ZC3H8: variants seen among roughly 807,000 people sequenced by gnomAD.
The protein encoded by ZC3H8 is zinc finger CCCH domain-containing protein 8.
Under a neutral mutation model 42.5 loss-of-function variants are expected in ZC3H8, and 27 were observed. That is an observed-to-expected ratio of 0.64 (90% CI 0.47 to 0.88). The LOEUF (loss-of-function observed/expected upper bound fraction) is 0.88, where lower values mean the gene tolerates loss of function less well. ZC3H8 is among the 40% of genes least tolerant of loss of function. The pLI is 0.00. For synonymous variants in ZC3H8, 101 were observed against 110.1 expected, an observed-to-expected ratio of 0.92 and a Z score of 0.52; for missense variants, 277 against 336.1, an observed-to-expected ratio of 0.82 and a Z score of 1.37.
intron 6 of ZC3H8, 26 bp from the exon 7 acceptor site, chr2:112,231,973 C>A: frequency 7.8e-7 from 1 of 1,284,364 alleles, no homozygotes; most frequent in Non-Finnish European, 1.1e-6. Context: ...AGGAAGAGAA[C>A]AATTTTAATC....
intron 8 of ZC3H8, among the ~76,000 whole-genome samples, chr2:112,219,339 G>A (rs576341572): frequency 6.6e-6 from 1 of 152,224 alleles, no homozygotes; most frequent in Admixed American, 6.5e-5. Flanking sequence ...AAGGAAGGAC[G>A]GTCTTTCAAC....
intron 8 of ZC3H8, among the ~76,000 whole-genome samples, chr2:112,227,465 C>T (rs55821286): frequency 0.11 from 16,289 of 152,228 alleles, 1,179 homozygotes; most frequent in Non-Finnish European, 0.15. Flanking sequence ...GCCGCGGTTG[C>T]AGTGAACCGA....
chr2:112,227,164 C>A (rs1684875668), intron 8 of ZC3H8, among the ~76,000 whole-genome samples: 1 of 152,214 alleles, frequency 6.6e-6, no homozygotes, highest in African/African-American at 2.4e-5. Context: ...TTCTATTTAA[C>A]CTTGTATAGA....
intron 2 of ZC3H8, among the ~76,000 whole-genome samples, chr2:112,248,460 A>G (rs1347686282): frequency 6.6e-6 from 1 of 152,218 alleles, no homozygotes; most frequent in Non-Finnish European, 1.5e-5. Flanking sequence ...AGTCTCAGTG[A>G]CAATTTAACC....
chr2:112,216,795 T>C (rs1684345692), intron 8 of ZC3H8, among the ~76,000 whole-genome samples: 1 of 151,128 alleles, frequency 6.6e-6, no homozygotes, highest in South Asian at 2.1e-4. Flanking sequence ...AGAATAAATT[T>C]GAATGGAAAC....
At chr2:112,225,338 T>C (rs897255716) in intron 8 of ZC3H8, among the ~76,000 whole-genome samples, 2 of 152,116 alleles carry the variant, frequency 1.3e-5, no homozygotes, top group Non-Finnish European at 2.9e-5. Flanking sequence ...ATTAGCCAGG[T>C]GTGGTAGCAC....
chr2:112,252,012 T>A (rs961534821), intron 1 of ZC3H8, among the ~76,000 whole-genome samples: 4 of 152,212 alleles, frequency 2.6e-5, no homozygotes, highest in Non-Finnish European at 5.9e-5. Context: ...ACTTTCAAAG[T>A]CAGTTCTCAC....
intron 8 of ZC3H8, among the ~76,000 whole-genome samples, chr2:112,217,665 C>T (rs1455542185): frequency 6.6e-6 from 1 of 152,110 alleles, no homozygotes; most frequent in Non-Finnish European, 1.5e-5. Context: ...ATGAATCTTG[C>T]CAAAACAGTC....
intron 2 of ZC3H8, among the ~76,000 whole-genome samples, chr2:112,248,100 C>A (rs1685818516): frequency 6.6e-6 from 1 of 152,198 alleles, no homozygotes; most frequent in African/African-American, 2.4e-5. Context: ...CCGAGGCTGG[C>A]AGATCACTTG....
intron 2 of ZC3H8, among the ~76,000 whole-genome samples, chr2:112,248,276 A>C (rs1397788662): frequency 6.6e-6 from 1 of 151,954 alleles, no homozygotes; most frequent in Non-Finnish European, 1.5e-5. Flanking sequence ...CAGTGAGCCA[A>C]GATCATGCTA....
At chr2:112,223,859 A>G (rs1314452936) in intron 8 of ZC3H8, among the ~76,000 whole-genome samples, 2 of 152,226 alleles carry the variant, frequency 1.3e-5, no homozygotes, top group Non-Finnish European at 2.9e-5. Flanking sequence ...TAAGGAATAA[A>G]GGCCAGGCAC....
rs780790128 is a variant in ZC3H8, at chr2:112,238,428, GA to G, written c.256del (p.Ser86GlnfsTer33). On this transcript the variant is annotated frameshift_variant, in exon 3 of 9. Coordinates refer to ENST00000409573, the MANE Select transcript of ZC3H8 (RefSeq NM_032494.3). LOFTEE classifies it high-confidence loss of function. ...YSDNDICSQE[S>X]EDNFAKELQQ... The stretch of plus-strand genomic sequence containing the variant: ...AAGCTCTTTGGCAAAATTATCTTCT[GA>G]TTCCTGACTGCAGATATCATTATCA... The G allele has an allele frequency of 6.2e-7, 1 of 1,613,592 alleles. No homozygotes were observed. The highest frequency in any genetic ancestry group is 8.5e-7 in the Non-Finnish European group (1 of 1,179,866).
chr2:112,232,035 C>T, intron 6 of ZC3H8, 88 bp from the exon 7 acceptor site: 1 of 746,690 alleles, frequency 1.3e-6, no homozygotes. Flanking sequence ...TAAATAAAGA[C>T]CTCTGTGGCC....
intron 8 of ZC3H8, among the ~76,000 whole-genome samples, chr2:112,222,758 A>G (rs1684645130): frequency 6.6e-6 from 1 of 152,248 alleles, no homozygotes; most frequent in African/African-American, 2.4e-5. Context: ...GTAGCTGTCA[A>G]GGCCTTGAAG....
At chr2:112,227,479 C>A (rs1279913990) in intron 8 of ZC3H8, among the ~76,000 whole-genome samples, 2 of 152,178 alleles carry the variant, frequency 1.3e-5, no homozygotes, top group Non-Finnish European at 2.9e-5. Context: ...GAACCGAGAT[C>A]GCGCCATTTG....
intron 8 of ZC3H8, among the ~76,000 whole-genome samples, chr2:112,228,323 G>T (rs1684936926): frequency 6.6e-6 from 1 of 152,056 alleles, no homozygotes; most frequent in Non-Finnish European, 1.5e-5. Context: ...CCAACATAGT[G>T]AAAGCCTGTC....
Position 112,214,201 on chromosome 2 carries a change from C to G in ZC3H8, c.*2283G>C, listed in dbSNP as rs2104635762. 1 of 152,236 alleles carries G rather than the reference C, an allele frequency of 6.6e-6. No individual in the cohort carries two copies. Among genetic ancestry groups the G allele is most frequent in the African/African-American group, 2.4e-5 (1 of 41,530 alleles). 9.4% of individuals were successfully genotyped at this position (152,236 alleles called of 1,614,324 possible). Reference sequence around the variant, plus strand: ...GACCTCATGATCCGCCCACCTCGGCCTCCCAAAGTGCTGGGATTACAGGTG... The same window carrying G: ...GACCTCATGATCCGCCCACCTCGGCGTCCCAAAGTGCTGGGATTACAGGTG... On this transcript the variant is annotated 3_prime_UTR_variant, in exon 9 of 9. Transcript: ENST00000409573.
At chr2:112,224,360 C>T (rs1041036711) in intron 8 of ZC3H8, among the ~76,000 whole-genome samples, 58 of 152,174 alleles carry the variant, frequency 3.8e-4, no homozygotes, top group African/African-American at 1.4e-3. Context: ...AACAAAGAAA[C>T]AAAAAGTCCA....
chr2:112,233,990 C>T, intron 5 of ZC3H8, 130 bp downstream of exon 5: 1 of 578,024 alleles, frequency 1.7e-6, no homozygotes, highest in Non-Finnish European at 2.8e-6. Flanking sequence ...GAATACTTCA[C>T]TAAAATTTTC....
Sources: gnomAD v4.1 joint callset for allele counts (sites outside exome capture counted in the v4.1 genomes callset) on GRCh38, gnomAD v4.1.1 for gene constraint, MANE v1.5 for transcripts, NCBI Gene and HGNC (gene_info 2026-07-23, HGNC 2026-07-21) for gene names.